The following PRELID2 variants were observed in gnomAD, a reference collection of about 807,000 sequenced individuals.
PRELID2 encodes PRELI domain-containing protein 2.
PRELID2 carries 25 observed loss-of-function variants against 28.4 expected under a neutral mutation model. The ratio of observed to expected loss-of-function variants is 0.88; its 90% CI spans 0.64 to 1.23. PRELID2 has a LOEUF of 1.23. Ranked by LOEUF, PRELID2 falls within the 50% of genes most tolerant of loss-of-function variation. The pLI, the probability that PRELID2 is intolerant of heterozygous loss-of-function variation, is 0.00. For synonymous variants in PRELID2, 76 were observed against 71.6 expected, an observed-to-expected ratio of 1.06 and a Z score of -0.31; for missense variants, 201 against 214.4, an observed-to-expected ratio of 0.94 and a Z score of 0.39.
chr5:145,359,729 G>T, the PRELID2 span, among the ~76,000 whole-genome samples: 2 of 152,104 alleles, frequency 1.3e-5, no homozygotes, highest in African/African-American at 2.4e-5. Flanking sequence ...ATTATCAGAG[G>T]TTATTACATG....
the PRELID2 span, among the ~76,000 whole-genome samples, chr5:145,415,929 C>T: frequency 2.3e-3 from 350 of 152,208 alleles, 1 homozygote; most frequent in African/African-American, 7.7e-3. Flanking sequence ...TCTCCACTTC[C>T]TCTCCAGCAT....
At chr5:145,508,133 GC>G (rs1752427601) in intron 1 of PRELID2, among the ~76,000 whole-genome samples, 1 of 152,122 alleles carries the variant, frequency 6.6e-6, no homozygotes, top group African/African-American at 2.4e-5. Context: ...TAGCGATAGT[GC>G]GAATCTATAA....
At chr5:145,321,671 C>T in the PRELID2 span, among the ~76,000 whole-genome samples, 2 of 152,200 alleles carry the variant, frequency 1.3e-5, no homozygotes. Context: ...GATTTAAACT[C>T]ATCAAGCCAT....
chr5:145,356,910 G>C, the PRELID2 span, among the ~76,000 whole-genome samples: 4 of 152,090 alleles, frequency 2.6e-5, no homozygotes, highest in African/African-American at 9.7e-5. Flanking sequence ...CCTCACTTAA[G>C]GACCTTTTGT....
the PRELID2 span, among the ~76,000 whole-genome samples, chr5:145,373,921 T>C: frequency 1.4e-5 from 2 of 139,298 alleles, no homozygotes; most frequent in African/African-American, 2.7e-5. Flanking sequence ...ATATATGATA[T>C]TATATATTAT....
chr5:145,762,268 G>C (rs910260338), intron 6 of PRELID2, among the ~76,000 whole-genome samples: 1 of 152,114 alleles, frequency 6.6e-6, no homozygotes, highest in African/African-American at 2.4e-5. Flanking sequence ...CAAACAATAC[G>C]ATGCCCTGAG....
the PRELID2 span, among the ~76,000 whole-genome samples, chr5:145,240,784 A>G: frequency 6.6e-6 from 1 of 152,004 alleles, no homozygotes; most frequent in African/African-American, 2.4e-5. Context: ...CCTAGGTGTT[A>G]TGATCTTATA....
chr5:145,825,847 T>G (rs1755158029), intron 1 of PRELID2, among the ~76,000 whole-genome samples: 1 of 152,108 alleles, frequency 6.6e-6, no homozygotes, highest in African/African-American at 2.4e-5. Context: ...GAACTGAGGC[T>G]CCCCCTACCT....
intron 1 of PRELID2, among the ~76,000 whole-genome samples, chr5:145,615,626 G>T (rs73311552): frequency 6.6e-6 from 1 of 151,184 alleles, no homozygotes; most frequent in Non-Finnish European, 1.5e-5. Context: ...GCGCCCAGCC[G>T]TGAGTCTCTT....
the PRELID2 span, among the ~76,000 whole-genome samples, chr5:145,404,751 G>C: frequency 4.8e-3 from 737 of 152,308 alleles, 6 homozygotes; most frequent in African/African-American, 0.017. Context: ...CACAAATTGT[G>C]GTTTTGACTG....
the PRELID2 span, among the ~76,000 whole-genome samples, chr5:145,333,294 C>T: frequency 1.2e-3 from 184 of 152,268 alleles, no homozygotes; most frequent in African/African-American, 4.0e-3. Context: ...AGAGCATGAG[C>T]GCTATGCTGG....
chr5:145,605,935 G>T (rs1227127663), intron 1 of PRELID2, among the ~76,000 whole-genome samples: 2 of 151,842 alleles, frequency 1.3e-5, no homozygotes, highest in Non-Finnish European at 2.9e-5. Context: ...TGTCATCTCT[G>T]ATTTATTTCA....
chr5:145,242,506 G>A, the PRELID2 span, among the ~76,000 whole-genome samples: 348 of 152,094 alleles, frequency 2.3e-3, 1 homozygote, highest in African/African-American at 8.1e-3. Context: ...AAGGTTATCC[G>A]GATAGTGCTA....
chr5:145,786,583 C>G (rs1752008084), intron 5 of PRELID2, among the ~76,000 whole-genome samples: 1 of 152,186 alleles, frequency 6.6e-6, no homozygotes, highest in African/African-American at 2.4e-5. Flanking sequence ...GATTACATCC[C>G]TGTGAAACCT....
the PRELID2 span, among the ~76,000 whole-genome samples, chr5:145,353,935 A>C: frequency 6.6e-6 from 1 of 152,128 alleles, no homozygotes; most frequent in African/African-American, 2.4e-5. Flanking sequence ...TACCATCCTT[A>C]CCATCTCCAG....
intron 1 of PRELID2, among the ~76,000 whole-genome samples, chr5:145,561,511 T>A (rs1351839533): frequency 6.6e-6 from 1 of 152,078 alleles, no homozygotes; most frequent in Non-Finnish European, 1.5e-5. Flanking sequence ...CTTAAGTGAG[T>A]TTTGACTTCA....
At chr5:145,288,751 A>C in the PRELID2 span, among the ~76,000 whole-genome samples, 37 of 152,230 alleles carry the variant, frequency 2.4e-4, no homozygotes, top group African/African-American at 6.5e-4. Context: ...TAATCCAAAC[A>C]TGAGTTTATA....
At chr5:145,694,467 A>G (rs1446938648) in intron 1 of PRELID2, among the ~76,000 whole-genome samples, 1 of 152,198 alleles carries the variant, frequency 6.6e-6, no homozygotes, top group Non-Finnish European at 1.5e-5. Flanking sequence ...TATGTTATTA[A>G]TAAAACACCA....
chr5:145,370,437 T>A, the PRELID2 span, among the ~76,000 whole-genome samples: 5 of 151,872 alleles, frequency 3.3e-5, no homozygotes, highest in African/African-American at 1.2e-4. Context: ...GGTTGTCGAG[T>A]GTGGTAATAT....
Sources: gnomAD v4.1 joint callset for allele counts (sites outside exome capture counted in the v4.1 genomes callset) on GRCh38, gnomAD v4.1.1 for gene constraint, MANE v1.5 for transcripts, NCBI Gene and HGNC (gene_info 2026-07-23, HGNC 2026-07-21) for gene names.